AHI1: variants seen among roughly 807,000 people sequenced by gnomAD.
AHI1 encodes Abelson helper integration site 1.
In AHI1, 123 loss-of-function variants were observed where a neutral mutation model predicts 149.3. The ratio of observed to expected loss-of-function variants is 0.82; its 90% confidence interval spans 0.71 to 0.96. AHI1 has a LOEUF of 0.96. Ranked by LOEUF, AHI1 falls within the 40% of genes least tolerant of loss-of-function variation. The probability of loss-of-function intolerance (pLI) is 0.00; values close to 1 mark genes in which losing one functional copy is unlikely to be tolerated. For synonymous variants in AHI1, 475 were observed against 459.8 expected (o/e 1.03, Z -0.42); for missense variants, 1,439 against 1,422.7 (o/e 1.01, Z -0.18).
Position 135,300,514 on chromosome 6 carries a change from T to C in AHI1, c.3471A>G (p.Ser1157=). Residue 1157 remains serine, a synonymous_variant, in exon 27 of 29, where the codon TCA becomes TCG. Coordinates refer to ENST00000265602, the MANE Select transcript of AHI1 (RefSeq NM_001134831.2). ...AAGTTGCTTACTGTGTCATAGATTC[T>C]GAGCCTAGTCTGAAGTCCTGGGACT... The part of the protein sequence containing the change: ...KNKSQDFRLG[S]ESMTHSEMRK... 1 of 1,608,708 alleles carries C rather than the reference T, an allele frequency of 6.2e-7. No homozygotes were observed. The highest frequency in any genetic ancestry group is 1.1e-5 in the South Asian group (1 of 89,616).
intron 24 of AHI1, among the ~76,000 whole-genome samples, chr6:135,354,619 C>A (rs1260698415): frequency 1.3e-5 from 2 of 152,096 alleles, no homozygotes; most frequent in Non-Finnish European, 2.9e-5. Flanking sequence ...TTTACACCTG[C>A]CTTTTAGGGT....
At chr6:135,386,838 C>T (rs541340110) in intron 23 of AHI1, among the ~76,000 whole-genome samples, 6 of 152,082 alleles carry the variant, frequency 3.9e-5, no homozygotes, top group African/African-American at 1.2e-4. Context: ...ATCATGTTGG[C>T]CAGGCTGGTC....
chr6:135,365,512 AG>A (rs1774045110), intron 23 of AHI1, among the ~76,000 whole-genome samples: 1 of 152,058 alleles, frequency 6.6e-6, no homozygotes, highest in African/African-American at 2.4e-5. Flanking sequence ...TTTTCCTTGT[AG>A]AGATCTTTCA....
At chr6:135,302,221 T>A (rs1367597384) in intron 26 of AHI1, 2 of 985,248 alleles carry the variant, frequency 2.0e-6, no homozygotes, top group Non-Finnish European at 2.4e-6. Context: ...CAACTTACCA[T>A]CAATATAGGT....
At chr6:135,315,250 C>A (rs1785767579) in intron 26 of AHI1, among the ~76,000 whole-genome samples, 1 of 152,152 alleles carries the variant, frequency 6.6e-6, no homozygotes, top group Admixed American at 6.5e-5. Context: ...AGCTTTTATA[C>A]ATACTTTATG....
chr6:135,302,179 C>A (rs952215236), intron 26 of AHI1: 5 of 985,204 alleles, frequency 5.1e-6, no homozygotes, highest in Non-Finnish European at 6.0e-6. Context: ...GTCTCAGTAT[C>A]ATTTTTCTCT....
At chr6:135,439,166 C>A (rs1416178633) in intron 14 of AHI1, among the ~76,000 whole-genome samples, 1 of 152,226 alleles carries the variant, frequency 6.6e-6, no homozygotes, top group African/African-American at 2.4e-5. Context: ...GCAGTCCCCC[C>A]TTATGTGCAG....
chr6:135,416,072 C>T (rs1782333190), intron 20 of AHI1, among the ~76,000 whole-genome samples: 1 of 151,960 alleles, frequency 6.6e-6, no homozygotes, highest in Non-Finnish European at 1.5e-5. Flanking sequence ...AATAGTCTCC[C>T]AGGTTTATAA....
At chr6:135,448,206 T>C in intron 12 of AHI1, 84 bp downstream of exon 12, 2 of 1,001,480 alleles carry the variant, frequency 2.0e-6, no homozygotes, top group Non-Finnish European at 2.7e-6. Flanking sequence ...AGAGGCCTTA[T>C]CTTTTTAGAA....
intron 24 of AHI1, among the ~76,000 whole-genome samples, chr6:135,342,248 AAG>A (rs1377239344): frequency 6.6e-6 from 1 of 151,990 alleles, no homozygotes; most frequent in East Asian, 1.9e-4. Flanking sequence ...CTGACTGAAG[AAG>A]AGAGAAAATG....
At chr6:135,444,302 C>T (rs1244420272) in intron 13 of AHI1, among the ~76,000 whole-genome samples, 2 of 152,116 alleles carry the variant, frequency 1.3e-5, no homozygotes, top group Admixed American at 6.5e-5. Context: ...CTCACTCACC[C>T]GAAAACCTTC....
At chr6:135,300,407 G>T in intron 27 of AHI1, 93 bp downstream of exon 27, 4 of 1,232,380 alleles carry the variant, frequency 3.2e-6, no homozygotes, top group African/African-American at 1.6e-5. Context: ...CTTATAGTTT[G>T]ATAATGTTAT....
intron 22 of AHI1, among the ~76,000 whole-genome samples, chr6:135,399,779 C>T (rs987581509): frequency 6.6e-6 from 1 of 151,278 alleles, no homozygotes; most frequent in Non-Finnish European, 1.5e-5. Flanking sequence ...ACCTACTTGC[C>T]AAGGCCAGAA....
chr6:135,341,061 A>G (rs1582692209), intron 24 of AHI1, among the ~76,000 whole-genome samples: 1 of 152,094 alleles, frequency 6.6e-6, no homozygotes, highest in East Asian at 1.9e-4. Context: ...CAACGATAAT[A>G]TATCAGACAT....
At chr6:135,352,004 C>G (rs898347262) in intron 24 of AHI1, among the ~76,000 whole-genome samples, 1 of 152,156 alleles carries the variant, frequency 6.6e-6, no homozygotes, top group Non-Finnish European at 1.5e-5. Flanking sequence ...GAGTCCCTTT[C>G]ATCAGCTCTC....
At chr6:135,301,340 T>C (rs1406823963) in intron 26 of AHI1, 5 of 967,744 alleles carry the variant, frequency 5.2e-6, no homozygotes, top group Non-Finnish European at 4.9e-6. Flanking sequence ...ATATACCATA[T>C]GTTCCTAATT....
In AHI1 at chr6:135,426,892, A is replaced by G. The variant is rs146665421; in HGVS notation, c.2764+275T>C. On this transcript the variant is annotated intron_variant, in intron 20 of 28. Coordinates refer to ENST00000265602, the MANE Select transcript of AHI1 (RefSeq NM_001134831.2). ...AGTAACAACACAGGATAAAATATTA[A>G]CTCAACAGTCAACTGAAAACATCAA... Among the ~76,000 whole-genome samples the G allele has an allele frequency of 1.4e-4, 21 of 151,852 alleles. 1 individual carries two copies. The East Asian group carries it at 3.5e-3, about 25-fold the overall frequency.
intron 5 of AHI1, among the ~76,000 whole-genome samples, chr6:135,484,747 G>T (rs1366272054): frequency 6.6e-6 from 1 of 150,630 alleles, no homozygotes; most frequent in Non-Finnish European, 1.5e-5. Flanking sequence ...TCAGTGAGTT[G>T]GTTTTTGACC....
intron 8 of AHI1, among the ~76,000 whole-genome samples, chr6:135,462,141 A>C (rs961195765): frequency 1.3e-5 from 2 of 152,060 alleles, no homozygotes; most frequent in East Asian, 3.8e-4. Flanking sequence ...ATGCTTCAAC[A>C]AAAGATTTTA....
Sources: allele counts gnomAD v4.1 joint callset (sites outside exome capture counted in the v4.1 genomes callset), GRCh38; gene constraint gnomAD v4.1.1; transcripts MANE v1.5; gene names NCBI Gene and HGNC (gene_info 2026-07-23, HGNC 2026-07-21).